The following RAB3B variants were observed in gnomAD, a reference collection of about 807,000 sequenced individuals.
RAB3B encodes ras-related protein Rab-3B.
In RAB3B, 11 loss-of-function variants were observed where a neutral mutation model predicts 20.5. The ratio of observed to expected loss-of-function variants is 0.54; its 90% CI spans 0.34 to 0.89. The LOEUF is 0.89. Ranked by LOEUF, RAB3B falls within the 40% of genes least tolerant of loss-of-function variation. RAB3B has a pLI of 0.02. For missense variants in RAB3B, 225 were observed against 280.9 expected (o/e 0.80, Z 1.42); for synonymous variants, 99 against 106.3 (o/e 0.93, Z 0.42).
At chr1:51,966,257 C>G (rs12042933) in intron 2 of RAB3B, among the ~76,000 whole-genome samples, 1 of 152,244 alleles carries the variant, frequency 6.6e-6, no homozygotes, top group East Asian at 1.9e-4. Flanking sequence ...AATGTCCCCT[C>G]CTTTGTGAGA....
At position 51,933,044 on chromosome 1, in the gene RAB3B, TA is replaced by T. The variant is rs574981989; in HGVS notation, c.472+273del. 1.3e-4 allele frequency among the ~76,000 whole-genome samples: 20 copies of T among 150,894 alleles called. No individual in the cohort carries two copies. The South Asian group carries it at 3.3e-3, about 25-fold the overall frequency. On this transcript the variant is annotated intron_variant, in intron 4 of 4. Coordinates refer to ENST00000371655, the MANE Select transcript of RAB3B (RefSeq NM_002867.4). Reference sequence around the variant, plus strand: ...TCAAGTCCTTTGTGGAAGGAACTGGTAAAAAAAAAGAGTTTATAAATTTAAA... The same window carrying T: ...TCAAGTCCTTTGTGGAAGGAACTGGTAAAAAAAAGAGTTTATAAATTTAAA...
intron 2 of RAB3B, among the ~76,000 whole-genome samples, chr1:51,949,542 C>A (rs1340979192): frequency 6.6e-6 from 1 of 152,208 alleles, no homozygotes; most frequent in South Asian, 2.1e-4. Context: ...GTCCAGCCAG[C>A]CATTCCGAGT....
chr1:51,919,638 G>A lies in RAB3B; in HGVS notation c.*289C>T. ...TCATTTTAAAGGCAGAAAAGAGACT[G>A]TTCTCTAAGTCCCTGTAGTGAATCC... On this transcript the variant is annotated 3_prime_UTR_variant, in exon 5 of 5. Coordinates refer to ENST00000371655, the MANE Select transcript of RAB3B (RefSeq NM_002867.4). 3.4e-6 allele frequency: 1 copy of A among 297,886 alleles called. No individual in the cohort carries two copies. The highest frequency in any genetic ancestry group is 6.2e-6 in the Non-Finnish European group (1 of 161,238). The allele number at this position is 297,886 out of a possible 1,614,324, so 18.5% of individuals were successfully genotyped here.
At chr1:51,935,675 G>A (rs1472788477) in intron 3 of RAB3B, among the ~76,000 whole-genome samples, 1 of 152,072 alleles carries the variant, frequency 6.6e-6, no homozygotes, top group Non-Finnish European at 1.5e-5. Context: ...GGGGGTCAAG[G>A]CCAACAGGGA....
intron 4 of RAB3B, among the ~76,000 whole-genome samples, chr1:51,925,697 C>T (rs370715881): frequency 5.5e-4 from 84 of 152,332 alleles, no homozygotes; most frequent in African/African-American, 1.9e-3. Flanking sequence ...TTCTTCCCCA[C>T]AACACCTCTA....
chr1:51,944,119 T>C (rs1379821235), intron 2 of RAB3B, among the ~76,000 whole-genome samples: 1 of 152,162 alleles, frequency 6.6e-6, no homozygotes, highest in Non-Finnish European at 1.5e-5. Context: ...TGACTTTAAT[T>C]TGAAGTCAAT....
At chr1:51,927,807 C>A (rs1217001356) in intron 4 of RAB3B, among the ~76,000 whole-genome samples, 1 of 151,962 alleles carries the variant, frequency 6.6e-6, no homozygotes, top group African/African-American at 2.4e-5. Context: ...TGCCTCAAAA[C>A]AAAATAAAAC....
chr1:51,955,763 G>A (rs186086137), intron 2 of RAB3B, among the ~76,000 whole-genome samples: 13 of 152,200 alleles, frequency 8.5e-5, no homozygotes, highest in African/African-American at 3.1e-4. Context: ...ATACAGAGCA[G>A]GCAAGAGGAG....
At chr1:51,972,198 T>C (rs967142213) in intron 2 of RAB3B, among the ~76,000 whole-genome samples, 7 of 152,184 alleles carry the variant, frequency 4.6e-5, no homozygotes, top group African/African-American at 1.7e-4. Flanking sequence ...CAGTGTGCAA[T>C]TTAAAATTTA....
rs973986532 is a variant in RAB3B at position 51,908,514 on chromosome 1, G to A, written c.*11413C>T. 6.6e-6 allele frequency: 1 copy of A among 152,002 alleles called. No individual in the cohort carries two copies. Among genetic ancestry groups the A allele is most frequent in the African/African-American group, 2.4e-5 (1 of 41,380 alleles). The allele number at this position is 152,002 out of a possible 1,614,324, so 9.4% of individuals were successfully genotyped here. Reference sequence around the variant, plus strand: ...ATAGATCATCTGCTCCTGGCTCCTTGATCTGAGGGAAGCCTCTGCTGTTCA... The same window carrying A: ...ATAGATCATCTGCTCCTGGCTCCTTAATCTGAGGGAAGCCTCTGCTGTTCA... On this transcript the variant is annotated 3_prime_UTR_variant, in exon 5 of 5. Coordinates refer to ENST00000371655, the MANE Select transcript of RAB3B (RefSeq NM_002867.4).
intron 2 of RAB3B, among the ~76,000 whole-genome samples, chr1:51,940,799 A>G: frequency 6.6e-6 from 1 of 152,104 alleles, no homozygotes; most frequent in Non-Finnish European, 1.5e-5. Flanking sequence ...TTTTATTATT[A>G]TTACATATCC....
chr1:51,948,246 G>A (rs1033202482), intron 2 of RAB3B, among the ~76,000 whole-genome samples: 20 of 152,118 alleles, frequency 1.3e-4, no homozygotes, highest in African/African-American at 4.8e-4. Flanking sequence ...ATAAAACCAG[G>A]TCTTCTGTCT....
rs918293106 is a variant in RAB3B at position 51,908,154 on chromosome 1, A to T, written c.*11773T>A. 2 of 152,128 alleles carry T rather than the reference A, an allele frequency of 1.3e-5. No individual in the cohort carries two copies. The highest frequency in any genetic ancestry group is 4.8e-5 in the African/African-American group (2 of 41,436). 9.4% of individuals were successfully genotyped at this position (152,128 alleles called of 1,614,324 possible). A position where few individuals can be genotyped will look rare whatever the true frequency, so the allele number is the denominator to read the frequency against. ...TTATATTTATACAAACTCACAACACATGACATTTCATATTTCATATGCCAC... is the reference window on the plus strand; with the variant it reads ...TTATATTTATACAAACTCACAACACTTGACATTTCATATTTCATATGCCAC... On this transcript the variant is annotated 3_prime_UTR_variant, in exon 5 of 5. Transcript: ENST00000371655.
chr1:51,981,359 C>T (rs1408458853), intron 1 of RAB3B, among the ~76,000 whole-genome samples: 71 of 152,158 alleles, frequency 4.7e-4, no homozygotes, highest in Admixed American at 4.6e-3. Context: ...GCATAAAATA[C>T]AAGTAATATG....
intron 2 of RAB3B, among the ~76,000 whole-genome samples, chr1:51,970,094 AAAACAAACAAAC>A (rs201922466): frequency 6.6e-6 from 1 of 151,644 alleles, no homozygotes; most frequent in Non-Finnish European, 1.5e-5. Context: ...CAAAAAACAA[AAAACAAACAAAC>A]AAACAAACAA....
chr1:51,927,553 A>C (rs527484723), intron 4 of RAB3B, among the ~76,000 whole-genome samples: 3 of 152,322 alleles, frequency 2.0e-5, no homozygotes, highest in African/African-American at 7.2e-5. Flanking sequence ...AAGCTGGCAG[A>C]TCACTTGAGC....
At chr1:51,920,143 CT>C in intron 4 of RAB3B, 29 bp from the exon 5 acceptor site, 1 of 1,573,868 alleles carries the variant, frequency 6.4e-7, no homozygotes. Flanking sequence ...CAGATAAGGA[CT>C]TTTCCCATCC....
intron 4 of RAB3B, among the ~76,000 whole-genome samples, chr1:51,926,879 G>T (rs1316861364): frequency 1.3e-5 from 2 of 152,184 alleles, no homozygotes; most frequent in African/African-American, 4.8e-5. Flanking sequence ...AATGCAAGTG[G>T]TCTGGACTCA....
At chr1:51,983,349 G>T (rs1484305722) in intron 1 of RAB3B, among the ~76,000 whole-genome samples, 2 of 151,794 alleles carry the variant, frequency 1.3e-5, no homozygotes, top group African/African-American at 4.8e-5. Flanking sequence ...TATTTTTACT[G>T]TACCTTTTCT....
Sources: gnomAD v4.1 joint callset for allele counts (sites outside exome capture counted in the v4.1 genomes callset) on GRCh38, gnomAD v4.1.1 for gene constraint, MANE v1.5 for transcripts, NCBI Gene and HGNC (gene_info 2026-07-23, HGNC 2026-07-21) for gene names.